The following SGK3 variants were observed in gnomAD, a reference collection of about 807,000 sequenced individuals.
SGK3 encodes the protein serum/glucocorticoid regulated kinase family member 3.
In SGK3, 47 loss-of-function variants were observed where a neutral mutation model predicts 68.5. The ratio of observed to expected loss-of-function variants is 0.69; its 90% confidence interval spans 0.54 to 0.87. The LOEUF is 0.87. Ranked by LOEUF, SGK3 falls within the 40% of genes least tolerant of loss-of-function variation. SGK3 has a pLI of 0.00. For missense variants in SGK3, 479 were observed against 575.5 expected (o/e 0.83, Z 1.72); for synonymous variants, 181 against 189.1 (o/e 0.96, Z 0.35).
chr8:66,809,751 C>T (rs1808305534), intron 4 of SGK3, among the ~76,000 whole-genome samples: 1 of 152,166 alleles, frequency 6.6e-6, no homozygotes, highest in African/African-American at 2.4e-5. Context: ...ACTGGAAAAT[C>T]CTCGTACAAC....
At chr8:66,721,877 T>C (rs1804803604) in intron 1 of SGK3, among the ~76,000 whole-genome samples, 1 of 152,188 alleles carries the variant, frequency 6.6e-6, no homozygotes, top group Non-Finnish European at 1.5e-5. Context: ...ACCTTTTTGT[T>C]TTCAAGTAAG....
At chr8:66,728,174 A>G (rs991778687) in intron 1 of SGK3, among the ~76,000 whole-genome samples, 4 of 152,160 alleles carry the variant, frequency 2.6e-5, no homozygotes, top group Non-Finnish European at 5.9e-5. Flanking sequence ...CCAAGTAATG[A>G]CAAATTACTT....
intron 1 of SGK3, among the ~76,000 whole-genome samples, chr8:66,730,893 G>T (rs1380746724): frequency 6.6e-6 from 1 of 151,698 alleles, no homozygotes; most frequent in East Asian, 1.9e-4. Context: ...TGCCATATTG[G>T]CCAGGCTGGT....
At chr8:66,760,960 T>C (rs539069837) in intron 1 of SGK3, among the ~76,000 whole-genome samples, 1 of 149,586 alleles carries the variant, frequency 6.7e-6, no homozygotes, top group South Asian at 2.1e-4. Context: ...GAGGTTGCAG[T>C]GAGCCAAGAT....
chr8:66,778,307 C>A (rs1233515559), intron 1 of SGK3, among the ~76,000 whole-genome samples: 1 of 151,896 alleles, frequency 6.6e-6, no homozygotes, highest in Non-Finnish European at 1.5e-5. Flanking sequence ...TTCTTTTTTT[C>A]TTTTGTTATG....
At chr8:66,825,712 G>C (rs776823208) in intron 6 of SGK3, among the ~76,000 whole-genome samples, 3 of 152,084 alleles carry the variant, frequency 2.0e-5, no homozygotes, top group African/African-American at 4.8e-5. Context: ...TAGAGGCCAA[G>C]GGAAGTCAAG....
chr8:66,822,369 T>A lies in SGK3; in HGVS notation c.330-3T>A. On this transcript the variant is annotated splice_polypyrimidine_tract_variant and splice_region_variant and intron_variant, in intron 5 of 16. Transcript: ENST00000521198. ...TTATAATAAAGTTAATTTTTGTTTT[T>A]AGTCCAGATGTCAGAGCATTCCTTC... 6.3e-7 allele frequency: 1 copy of A among 1,598,620 alleles called. No homozygotes were observed. Among genetic ancestry groups the A allele is most frequent in the Non-Finnish European group, 8.5e-7 (1 of 1,174,004 alleles).
At chr8:66,793,485 G>A (rs760418673) in intron 1 of SGK3, 131 bp from the exon 2 acceptor site, 1 of 312,672 alleles carries the variant, frequency 3.2e-6, no homozygotes, top group Non-Finnish European at 6.1e-6. Context: ...TCTCTAACCT[G>A]GGCTGAGACT....
intron 1 of SGK3, among the ~76,000 whole-genome samples, chr8:66,769,506 G>A (rs993663822): frequency 1.3e-5 from 2 of 152,138 alleles, no homozygotes; most frequent in African/African-American, 2.4e-5. Flanking sequence ...TTATAGGTGC[G>A]GGTCACCGCA....
Position 66,801,768 on chromosome 8 carries a change from G to A in SGK3, c.181-2607G>A, listed in dbSNP as rs193258268. Among the ~76,000 whole-genome samples, 7 of 152,086 alleles carry A rather than the reference G, an allele frequency of 4.6e-5. No homozygotes were observed. The East Asian group carries it at 1.4e-3, about 29-fold the overall frequency. ...TAGGCTAGATTTACCTTCTAAAGACGTCTTTTGTGAAACTCTTCATAGAGG... is the reference window on the plus strand; with the variant it reads ...TAGGCTAGATTTACCTTCTAAAGACATCTTTTGTGAAACTCTTCATAGAGG... On this transcript the variant is annotated intron_variant, in intron 3 of 16. Coordinates refer to ENST00000521198, the MANE Select transcript of SGK3 (RefSeq NM_001033578.3).
chr8:66,714,640 T>G (rs142359788), intron 1 of SGK3, among the ~76,000 whole-genome samples: 169 of 152,350 alleles, frequency 1.1e-3, no homozygotes, highest in African/African-American at 4.0e-3. Flanking sequence ...ATTAATAATT[T>G]ATGACACAAC....
chr8:66,859,731 G>A lies in SGK3; in HGVS notation c.*150G>A. The A allele has an allele frequency of 3.2e-6, 3 of 943,112 alleles. No individual in the cohort carries two copies. The highest frequency in any genetic ancestry group is 4.3e-6 in the Non-Finnish European group (3 of 705,216). 58.4% of individuals were successfully genotyped at this position (943,112 alleles called of 1,614,324 possible). A position where few individuals can be genotyped will look rare whatever the true frequency, so the allele number is the denominator to read the frequency against. On this transcript the variant is annotated 3_prime_UTR_variant, in exon 17 of 17. Coordinates refer to ENST00000521198, the MANE Select transcript of SGK3 (RefSeq NM_001033578.3). ...TATGAAAAAATGTATTTTCTTCTAT[G>A]TGCAAGAAAAATAGGGCATTTCAAA...
intron 5 of SGK3, among the ~76,000 whole-genome samples, chr8:66,817,035 G>C (rs1432619803): frequency 6.6e-6 from 1 of 151,232 alleles, no homozygotes; most frequent in Non-Finnish European, 1.5e-5. Context: ...TTCATCAATG[G>C]GCCAGGCTGG....
chr8:66,804,374 G>T lies in SGK3; in HGVS notation c.181-1G>T. 3 of 1,605,594 alleles carry T rather than the reference G, an allele frequency of 1.9e-6. No individual in the cohort carries two copies. The highest frequency in any genetic ancestry group is 1.7e-6 in the Non-Finnish European group (2 of 1,177,704). On this transcript the variant is annotated splice_acceptor_variant, in intron 3 of 16. Coordinates refer to ENST00000521198, the MANE Select transcript of SGK3 (RefSeq NM_001033578.3). LOFTEE classifies it high-confidence loss of function. ...TATAATGTTATTTTTAAAAATTTTA[G>T]TTAAAAAAACAGTTTCCTGCTATGG...
intron 1 of SGK3, among the ~76,000 whole-genome samples, chr8:66,734,146 G>A (rs1805245227): frequency 6.7e-6 from 1 of 150,142 alleles, no homozygotes; most frequent in Non-Finnish European, 1.5e-5. Flanking sequence ...GCTTTTTGTT[G>A]TATTACTTTC....
intron 1 of SGK3, among the ~76,000 whole-genome samples, chr8:66,727,442 T>TA (rs1271353870): frequency 6.6e-6 from 1 of 152,140 alleles, no homozygotes; most frequent in Admixed American, 6.5e-5. Context: ...TCTTATTTAA[T>TA]AAAAAGTATC....
At chr8:66,781,157 C>T (rs1378331859) in intron 1 of SGK3, among the ~76,000 whole-genome samples, 1 of 152,032 alleles carries the variant, frequency 6.6e-6, no homozygotes, top group Non-Finnish European at 1.5e-5. Context: ...AATGGAAAAG[C>T]TTGGGAGTTT....
rs543056731 is a variant in SGK3, at chr8:66,772,389, GATAA to G, written c.-121-21223_-121-21220del. On this transcript the variant is annotated intron_variant, in intron 1 of 16. Coordinates refer to ENST00000521198, the MANE Select transcript of SGK3 (RefSeq NM_001033578.3). ...AGGCATGAGCCACTGTGCCCAGCAA[GATAA>G]ATATTCTTTTTTTTTTTTTGAGGCA... 1.4e-3 allele frequency among the ~76,000 whole-genome samples: 201 copies of G among 147,324 alleles called. 4 individuals are homozygous for G. The highest frequency in any genetic ancestry group is 0.011 in the South Asian group (53 of 4,686).
intron 1 of SGK3, among the ~76,000 whole-genome samples, chr8:66,754,507 T>C (rs1248758553): frequency 1.3e-5 from 2 of 152,222 alleles, no homozygotes; most frequent in African/African-American, 4.8e-5. Flanking sequence ...GGAAGTGTTT[T>C]GGATTTCGGG....
Sources: allele counts gnomAD v4.1 joint callset (sites outside exome capture counted in the v4.1 genomes callset), GRCh38; gene constraint gnomAD v4.1.1; transcripts MANE v1.5; gene names NCBI Gene and HGNC (gene_info 2026-07-23, HGNC 2026-07-21).